Variants in EVC2 observed in about 807,000 individuals in gnomAD.
EVC2 encodes the protein limbin.
EVC2 carries 148 observed loss-of-function variants against 149.3 expected under a neutral mutation model. The ratio of observed to expected loss-of-function variants is 0.99; its 90% CI spans 0.87 to 1.14. The LOEUF is 1.14. Ranked by LOEUF, EVC2 falls within the 50% of genes most tolerant of loss-of-function variation. The pLI is 0.00. For synonymous variants in EVC2, 776 were observed against 649.9 expected, an observed-to-expected ratio of 1.19 and a Z score of -2.95; for missense variants, 1,854 against 1,627.3, an observed-to-expected ratio of 1.14 and a Z score of -2.40.
intron 16 of EVC2, among the ~76,000 whole-genome samples, chr4:5,609,881 C>T (rs1449989915): frequency 1.3e-5 from 2 of 152,196 alleles, no homozygotes; most frequent in Non-Finnish European, 2.9e-5. Context: ...TGGGCGAAGT[C>T]ACTAACATCT....
downstream of EVC2, among the ~76,000 whole-genome samples, chr4:5,540,332 A>G (rs1037814272): frequency 3.9e-5 from 6 of 152,222 alleles, no homozygotes; most frequent in African/African-American, 1.2e-4. Flanking sequence ...CACCAGCTAT[A>G]TATCCAAGAG....
intron 7 of EVC2, among the ~76,000 whole-genome samples, chr4:5,666,738 T>C (rs184532489): frequency 6.6e-6 from 1 of 152,338 alleles, no homozygotes; most frequent in Non-Finnish European, 1.5e-5. Context: ...CATTACTCAT[T>C]GAAGAAAAAC....
chr4:5,610,972 C>T (rs1714772519), intron 16 of EVC2, among the ~76,000 whole-genome samples: 1 of 152,060 alleles, frequency 6.6e-6, no homozygotes, highest in African/African-American at 2.4e-5. Flanking sequence ...ACAAGTCACA[C>T]AGCCCCCAGT....
At chr4:5,586,414 T>A (rs1405310810) in intron 16 of EVC2, among the ~76,000 whole-genome samples, 1 of 152,056 alleles carries the variant, frequency 6.6e-6, no homozygotes, top group East Asian at 1.9e-4. Context: ...AAGCCCCCCC[T>A]CAACCATCTG....
chr4:5,691,058 A>G (rs1024563522), intron 4 of EVC2, among the ~76,000 whole-genome samples: 1 of 152,214 alleles, frequency 6.6e-6, no homozygotes, highest in African/African-American at 2.4e-5. Flanking sequence ...TTTACTGACA[A>G]TTATTTAATT....
chr4:5,672,611 C>A (rs1339956250), intron 7 of EVC2, among the ~76,000 whole-genome samples: 2 of 152,150 alleles, frequency 1.3e-5, no homozygotes, highest in Non-Finnish European at 2.9e-5. Context: ...GTCTCCCCAG[C>A]TCTGAGAGGC....
At position 5,621,513 on chromosome 4, in the gene EVC2, A is replaced by G. The variant is rs574731692; in HGVS notation, c.2501+1024T>C. ...GCCCATGTCTCATTCTACATTGGCT[A>G]GGTTAGAGGCCCCTCCAGTTTCCAA... On this transcript the variant is annotated intron_variant, in intron 14 of 21. Transcript: ENST00000344408. 2.0e-5 allele frequency among the ~76,000 whole-genome samples: 3 copies of G among 152,312 alleles called. No homozygotes were observed. The South Asian group carries it at 6.2e-4, about 32-fold the overall frequency.
intron 16 of EVC2, among the ~76,000 whole-genome samples, chr4:5,586,568 A>G (rs1712299604): frequency 1.3e-5 from 2 of 152,194 alleles, no homozygotes; most frequent in African/African-American, 4.8e-5. Context: ...TTTAAGTCTC[A>G]TAAGAAACAT....
At chr4:5,555,822 C>G (rs975284494) in intron 21 of EVC2, among the ~76,000 whole-genome samples, 1 of 152,114 alleles carries the variant, frequency 6.6e-6, no homozygotes, top group East Asian at 1.9e-4. Flanking sequence ...ATCTCTTCTA[C>G]AAGTACAGAA....
In EVC2 at chr4:5,614,308, C is replaced by G. The variant is rs986564439; in HGVS notation, c.2829+1114G>C. On this transcript the variant is annotated intron_variant, in intron 16 of 21. Transcript: ENST00000344408. The surrounding 1 kb of genome is among the most constrained non-coding windows in gnomAD (Gnocchi z 4.7). ...AGTGTTTATGATCCATTTCCCCCAA[C>G]TAGAACGGGCTCGCCTCTACTGGAG... Among the ~76,000 whole-genome samples, 2 of 152,226 alleles carry G rather than the reference C, an allele frequency of 1.3e-5. No individual in the cohort carries two copies. The highest frequency in any genetic ancestry group is 4.8e-5 in the African/African-American group (2 of 41,464).
At chr4:5,700,384 G>A (rs760078240) in intron 1 of EVC2, among the ~76,000 whole-genome samples, 1 of 152,198 alleles carries the variant, frequency 6.6e-6, no homozygotes, top group African/African-American at 2.4e-5. Context: ...ATGTACGTTT[G>A]TACAACCTCT....
At position 5,603,233 on chromosome 4, in the gene EVC2, G is replaced by T. The variant is rs141882253; in HGVS notation, c.2829+12189C>A. 4.7e-3 allele frequency among the ~76,000 whole-genome samples: 715 copies of T among 152,272 alleles called. 5 individuals carry two copies. Among genetic ancestry groups the T allele is most frequent in the African/African-American group, 0.016 (676 of 41,554 alleles). ...CCTTGAATGCCAAGCTCAGGAATCT[G>T]AATTTTATTGGGGTCAGTGGGAAGC... On this transcript the variant is annotated intron_variant, in intron 16 of 21. Transcript: ENST00000344408.
chr4:5,625,180 T>C lies in EVC2; in HGVS notation c.2046+569A>G, dbSNP rs887312449. ...CTTAGCACGGCACACCATGCCCCCA[T>C]TGACTTGCTGCTGCATTCCCTTCCA... On this transcript the variant is annotated intron_variant, in intron 13 of 21. Coordinates refer to ENST00000344408, the MANE Select transcript of EVC2 (RefSeq NM_147127.5). The surrounding 1 kb of genome is among the most constrained non-coding windows in gnomAD (Gnocchi z 4.0). Among the ~76,000 whole-genome samples, 30 of 152,040 alleles carry C rather than the reference T, an allele frequency of 2.0e-4. No individual in the cohort carries two copies. The highest frequency in any genetic ancestry group is 2.1e-4 in the Non-Finnish European group (14 of 68,000).
At chr4:5,676,565 C>T (rs1720008327) in intron 7 of EVC2, among the ~76,000 whole-genome samples, 1 of 152,224 alleles carries the variant, frequency 6.6e-6, no homozygotes, top group African/African-American at 2.4e-5. Context: ...GGCCTTGCCT[C>T]ATCCTTATGT....
chr4:5,576,487 C>T lies in EVC2; in HGVS notation c.3058-33G>A. 1 of 1,553,640 alleles carries T rather than the reference C, an allele frequency of 6.4e-7. No homozygotes were observed. The highest frequency in any genetic ancestry group is 8.7e-7 in the Non-Finnish European group (1 of 1,152,692). ...AGGAAGGGGCAGAGGGTAAGCACCA[C>T]TGCACAAGGCGGGTGGGGTGGAGGA... On this transcript the variant is annotated intron_variant, in intron 17 of 21. Transcript: ENST00000344408. The surrounding 1 kb of genome is among the most constrained non-coding windows in gnomAD (Gnocchi z 4.5).
chr4:5,665,452 A>G, intron 8 of EVC2, 63 bp downstream of exon 8: 1 of 1,609,888 alleles, frequency 6.2e-7, no homozygotes, highest in African/African-American at 1.3e-5. Context: ...GACCCACAGA[A>G]CTGGGGGATG....
chr4:5,576,578 T>A lies in EVC2; in HGVS notation c.3058-124A>T, dbSNP rs1438323578. The A allele has an allele frequency of 6.6e-7, 1 of 1,511,986 alleles. No individual in the cohort carries two copies. Among genetic ancestry groups the A allele is most frequent in the East Asian group, 2.5e-5 (1 of 40,770 alleles). The allele number at this position is 1,511,986 out of a possible 1,614,324, so 93.7% of individuals were successfully genotyped here. A position where few individuals can be genotyped will look rare whatever the true frequency, so the allele number is the denominator to read the frequency against. On this transcript the variant is annotated intron_variant, in intron 17 of 21. Coordinates refer to ENST00000344408, the MANE Select transcript of EVC2 (RefSeq NM_147127.5). This position sits in a 1 kb window ranked among gnomAD's most constrained non-coding sequence, Gnocchi z 4.5. ...TGACTCTGTCTTGCCTGGTTCCCCA[T>A]CCAGCTGTGCCACATGGTGCAATGT...
chr4:5,576,606 G>A lies in EVC2; in HGVS notation c.3058-152C>T, dbSNP rs1267847892. The A allele has an allele frequency of 7.3e-7, 1 of 1,378,882 alleles. No homozygotes were observed. Among genetic ancestry groups the A allele is most frequent in the Non-Finnish European group, 9.9e-7 (1 of 1,010,336 alleles). The allele number at this position is 1,378,882 out of a possible 1,614,324, so 85.4% of individuals were successfully genotyped here. On this transcript the variant is annotated intron_variant, in intron 17 of 21. Coordinates refer to ENST00000344408, the MANE Select transcript of EVC2 (RefSeq NM_147127.5). This position sits in a 1 kb window ranked among gnomAD's most constrained non-coding sequence, Gnocchi z 4.5. The stretch of plus-strand genomic sequence containing the variant: ...AGCTGTGCCACATGGTGCAATGTGA[G>A]TGCACCACGATCTCTCACCCCTGTG...
At chr4:5,531,427 G>A in the EVC2 span, among the ~76,000 whole-genome samples, 3 of 152,230 alleles carry the variant, frequency 2.0e-5, no homozygotes, top group Non-Finnish European at 2.9e-5. Flanking sequence ...AAACCCATCC[G>A]GCCTATGGCC....
Sources: gnomAD v4.1 joint callset for allele counts (sites outside exome capture counted in the v4.1 genomes callset) on GRCh38, gnomAD v4.1.1 for gene constraint, Gnocchi (gnomAD v3.1) non-coding constraint, MANE v1.5 for transcripts, NCBI Gene and HGNC (gene_info 2026-07-23, HGNC 2026-07-21) for gene names.